FARP1: variants seen among roughly 807,000 people sequenced by gnomAD.
The protein encoded by FARP1 is FERM, ARHGEF and pleckstrin domain-containing protein 1.
FARP1 carries 52 observed loss-of-function variants against 128.8 expected under a neutral mutation model. The ratio of observed to expected loss-of-function variants is 0.40; its 90% CI spans 0.32 to 0.51. The LOEUF is 0.51. Among genes scored for constraint, FARP1 ranks in the 20% least tolerant of loss-of-function variants. The pLI is 0.45. For synonymous variants in FARP1, 580 were observed against 551.8 expected (o/e 1.05, Z -0.72); for missense variants, 1,333 against 1,367.9 (o/e 0.97, Z 0.40).
intron 11 of FARP1, 45 bp from the exon 12 acceptor site, chr13:98,393,598 C>G: frequency 6.6e-7 from 1 of 1,511,018 alleles, no homozygotes; most frequent in Non-Finnish European, 9.2e-7. Context: ...GAAAAAGAAA[C>G]AAAAACCTCA....
chr13:98,282,701 G>T (rs1161616333), intron 2 of FARP1, among the ~76,000 whole-genome samples: 1 of 151,968 alleles, frequency 6.6e-6, no homozygotes, highest in Non-Finnish European at 1.5e-5. Context: ...TCAAAAGATC[G>T]AGACCATCCT....
chr13:98,312,715 G>T (rs933480256), intron 2 of FARP1, among the ~76,000 whole-genome samples: 4 of 152,070 alleles, frequency 2.6e-5, no homozygotes, highest in African/African-American at 7.2e-5. Context: ...AAAATTTGAA[G>T]CATCTCTTAC....
chr13:98,244,441 A>T, intron 2 of FARP1: 3 of 1,542,094 alleles, frequency 1.9e-6, no homozygotes, highest in Non-Finnish European at 1.8e-6. Flanking sequence ...AAAAACAACA[A>T]CAAAAAGCGC....
chr13:98,164,354 T>C (rs1877095246), intron 1 of FARP1, among the ~76,000 whole-genome samples: 1 of 152,164 alleles, frequency 6.6e-6, no homozygotes, highest in Admixed American at 6.5e-5. Context: ...CTCTTGAGAA[T>C]GTGGGAAAGG....
chr13:98,249,327 G>T (rs948780361), intron 2 of FARP1, among the ~76,000 whole-genome samples: 1 of 152,156 alleles, frequency 6.6e-6, no homozygotes, highest in African/African-American at 2.4e-5. Context: ...ATAGCTCCTT[G>T]TTAATGTACT....
chr13:98,170,653 G>C (rs1426449154), intron 1 of FARP1, among the ~76,000 whole-genome samples: 2 of 151,998 alleles, frequency 1.3e-5, no homozygotes, highest in Non-Finnish European at 2.9e-5. Flanking sequence ...ACCGCACCTG[G>C]TCTAATCATT....
intron 2 of FARP1, among the ~76,000 whole-genome samples, chr13:98,313,252 C>T: frequency 6.7e-6 from 1 of 149,864 alleles, no homozygotes; most frequent in East Asian, 2.0e-4. Flanking sequence ...TACACACACA[C>T]ACACACACAC....
chr13:98,372,081 C>CTT (rs56838920), intron 5 of FARP1, among the ~76,000 whole-genome samples: 11,088 of 92,070 alleles, frequency 0.12, 641 homozygotes, highest in Non-Finnish European at 0.15. Flanking sequence ...CCCAGTTTTT[C>CTT]TTTTTTTTTT....
intron 2 of FARP1, among the ~76,000 whole-genome samples, chr13:98,267,393 T>C (rs1394973492): frequency 1.3e-5 from 2 of 152,314 alleles, no homozygotes; most frequent in East Asian, 3.9e-4. Context: ...GTGTTGTAAA[T>C]GCTTTCTGTA....
intron 2 of FARP1, among the ~76,000 whole-genome samples, chr13:98,264,078 C>A (rs1046665389): frequency 2.6e-5 from 4 of 152,174 alleles, no homozygotes; most frequent in Admixed American, 6.5e-5. Flanking sequence ...GCAGGCATAG[C>A]CAGACTCCCA....
chr13:98,453,368 G>A lies in FARP1; in HGVS notation c.*5051G>A. 1 of 710,422 alleles carries A rather than the reference G, an allele frequency of 1.4e-6. No individual in the cohort carries two copies. The highest frequency in any genetic ancestry group is 2.3e-6 in the Non-Finnish European group (1 of 435,674). The allele number at this position is 710,422 out of a possible 1,614,324, so 44.0% of individuals were successfully genotyped here. Reference sequence around the variant, plus strand: ...TGTGTAAGTCTAATTTTAAAAGAATGCATATAAAGACTGAGAAGATCATGA... The same window carrying A: ...TGTGTAAGTCTAATTTTAAAAGAATACATATAAAGACTGAGAAGATCATGA... On this transcript the variant is annotated 3_prime_UTR_variant, in exon 27 of 27. Coordinates refer to ENST00000319562, the MANE Select transcript of FARP1 (RefSeq NM_005766.4).
chr13:98,185,646 GTT>G (rs5806052), intron 1 of FARP1, among the ~76,000 whole-genome samples: 207 of 145,308 alleles, frequency 1.4e-3, no homozygotes, highest in African/African-American at 2.5e-3. Context: ...CTGATAATTA[GTT>G]TTTTTTTTTT....
chr13:98,256,948 G>GGTATATATATATATATATATATATATAT (rs59128917), intron 2 of FARP1, among the ~76,000 whole-genome samples: 2 of 77,076 alleles, frequency 2.6e-5, no homozygotes, highest in Non-Finnish European at 5.4e-5. Context: ...TATATATGTG[G>GGTATATATATATATATATATATATATAT]ATATATATAT....
At chr13:98,438,470 C>T (rs1892382536) in intron 19 of FARP1, among the ~76,000 whole-genome samples, 2 of 152,120 alleles carry the variant, frequency 1.3e-5, no homozygotes, top group South Asian at 4.2e-4. Flanking sequence ...TTGAACCCGA[C>T]CGTCCGTATC....
At chr13:98,265,561 C>T (rs1204141405) in intron 2 of FARP1, among the ~76,000 whole-genome samples, 4 of 151,514 alleles carry the variant, frequency 2.6e-5, no homozygotes, top group South Asian at 2.1e-4. Context: ...CCTCGTGATC[C>T]GCCCGCCTTG....
At chr13:98,166,336 A>G (rs1025446311) in intron 1 of FARP1, among the ~76,000 whole-genome samples, 12 of 152,250 alleles carry the variant, frequency 7.9e-5, no homozygotes, top group African/African-American at 2.9e-4. Context: ...TTTAATATAC[A>G]TAGATATTGC....
chr13:98,349,715 T>C (rs1240821523), intron 3 of FARP1, among the ~76,000 whole-genome samples: 1 of 142,014 alleles, frequency 7.0e-6, no homozygotes, highest in Non-Finnish European at 1.5e-5. Flanking sequence ...CAATGCTTAC[T>C]GGCCTGATAA....
At chr13:98,318,134 A>C (rs1213797166) in intron 2 of FARP1, among the ~76,000 whole-genome samples, 1 of 147,622 alleles carries the variant, frequency 6.8e-6, no homozygotes, top group East Asian at 2.0e-4. Flanking sequence ...CAGTGGCACA[A>C]TCATGGCTCA....
intron 5 of FARP1, among the ~76,000 whole-genome samples, chr13:98,374,920 G>A (rs914141179): frequency 6.6e-6 from 1 of 152,142 alleles, no homozygotes; most frequent in African/African-American, 2.4e-5. Context: ...GTAACAACCA[G>A]CTCTCACAGG....
Sources: gnomAD v4.1 joint callset for allele counts (sites outside exome capture counted in the v4.1 genomes callset) on GRCh38, gnomAD v4.1.1 for gene constraint, MANE v1.5 for transcripts, NCBI Gene and HGNC (gene_info 2026-07-23, HGNC 2026-07-21) for gene names.